Variants in MGAT5B observed in about 807,000 individuals in gnomAD.
MGAT5B encodes the protein N-acetylglucosaminyl-transferase Vb.
A neutral mutation model predicts 95.1 loss-of-function variants in MGAT5B; 54 were observed. That is an observed-to-expected ratio of 0.57 (90% CI 0.46 to 0.71). MGAT5B has a LOEUF of 0.71. Ranked by LOEUF, MGAT5B falls within the 30% of genes least tolerant of loss-of-function variation. The probability of loss-of-function intolerance (pLI) is 0.00; values close to 1 mark genes in which losing one functional copy is unlikely to be tolerated. For missense variants in MGAT5B, 935 were observed against 1,088.6 expected, an observed-to-expected ratio of 0.86 and a Z score of 1.99; for synonymous variants, 464 against 451.0, an observed-to-expected ratio of 1.03 and a Z score of -0.36.
chr17:76,890,391 T>A (rs111713849), intron 3 of MGAT5B, among the ~76,000 whole-genome samples: 1,529 of 152,362 alleles, frequency 0.01, 28 homozygotes, highest in African/African-American at 0.035. Context: ...ACTAGGTATG[T>A]GTGCTAGGTA....
At chr17:76,932,086 C>CCTCT (rs1969504834) in intron 10 of MGAT5B, among the ~76,000 whole-genome samples, 1 of 14,798 alleles carries the variant, frequency 6.8e-5, no homozygotes, top group Admixed American at 8.3e-4. Context: ...TCCTCCTCCT[C>CCTCT]CCCCCCCCCT....
intron 3 of MGAT5B, among the ~76,000 whole-genome samples, chr17:76,892,687 T>C (rs776892132): frequency 2.0e-5 from 3 of 152,240 alleles, no homozygotes; most frequent in Non-Finnish European, 2.9e-5. Flanking sequence ...GAGACCCGCA[T>C]GGAGCACTGG....
In MGAT5B at chr17:76,906,232, G is replaced by A; in HGVS notation, c.1025+45G>A. ...ACTGGCATTAAGTGGGGCAGGGAGG[G>A]GATGAAGGGGAACCCCACCCCTCCC... On this transcript the variant is annotated intron_variant, in intron 8 of 17. Coordinates refer to ENST00000569840, the MANE Select transcript of MGAT5B (RefSeq NM_001199172.2). The surrounding 1 kb of genome is among the most constrained non-coding windows in gnomAD (Gnocchi z 4.6). 6.5e-7 allele frequency: 1 copy of A among 1,544,962 alleles called. No homozygotes were observed. The highest frequency in any genetic ancestry group is 8.7e-7 in the Non-Finnish European group (1 of 1,153,386).
chr17:76,935,891 T>C (rs950012513), intron 12 of MGAT5B, among the ~76,000 whole-genome samples: 3 of 51,132 alleles, frequency 5.9e-5, no homozygotes, highest in African/African-American at 2.2e-4. Flanking sequence ...ATATATTATA[T>C]AATTATATAT....
Position 76,918,916 on chromosome 17 carries a change from T to A in MGAT5B, c.1026-6050T>A, listed in dbSNP as rs1969034798. On this transcript the variant is annotated intron_variant, in intron 8 of 17. Transcript: ENST00000569840. This position sits in a 1 kb window ranked among gnomAD's most constrained non-coding sequence, Gnocchi z 5.1. ...AGAGAAAGAGAGAGAGAATAGTGTG[T>A]TCCACAATTTGAGCACTACCTGGAG... 6.6e-6 allele frequency among the ~76,000 whole-genome samples: 1 copy of A among 152,326 alleles called. No homozygotes were observed. Among genetic ancestry groups the A allele is most frequent in the South Asian group, 2.1e-4 (1 of 4,830 alleles).
intron 15 of MGAT5B, among the ~76,000 whole-genome samples, chr17:76,944,966 G>C (rs1239774378): frequency 6.6e-6 from 1 of 152,234 alleles, no homozygotes; most frequent in Non-Finnish European, 1.5e-5. Context: ...GATGGGCTGG[G>C]CCAGGTCAGG....
intron 1 of MGAT5B, 182 bp from the exon 2 acceptor site, chr17:76,872,669 C>T (rs1838721867): frequency 2.0e-6 from 3 of 1,508,142 alleles, no homozygotes; most frequent in Non-Finnish European, 2.7e-6. Context: ...TAGTTGAGCT[C>T]TCTTTATCCT....
rs1457350659 is a variant in MGAT5B at position 76,905,902 on chromosome 17, G to A, written c.856-116G>A. On this transcript the variant is annotated intron_variant, in intron 7 of 17. Coordinates refer to ENST00000569840, the MANE Select transcript of MGAT5B (RefSeq NM_001199172.2). The surrounding 1 kb of genome is among the most constrained non-coding windows in gnomAD (Gnocchi z 4.2). The stretch of plus-strand genomic sequence containing the variant: ...CTCTGGTGCCGGAAAGCACCTGCTG[G>A]GGCCCAGCCTGGAGACAGGGTCTGC... 8.4e-7 allele frequency: 1 copy of A among 1,185,802 alleles called. No individual in the cohort carries two copies. The highest frequency in any genetic ancestry group is 1.2e-6 in the Non-Finnish European group (1 of 862,132). 73.5% of individuals were successfully genotyped at this position (1,185,802 alleles called of 1,614,324 possible). A position where few individuals can be genotyped will look rare whatever the true frequency, so the allele number is the denominator to read the frequency against.
rs75894252 is a variant in MGAT5B at position 76,915,703 on chromosome 17, C to T, written c.1026-9263C>T. Reference sequence around the variant, plus strand: ...TCTTGGCACCTAGACTTGTGAATGGCAGCTCTCCTGCATCACCCTCCCCGT... The same window carrying T: ...TCTTGGCACCTAGACTTGTGAATGGTAGCTCTCCTGCATCACCCTCCCCGT... On this transcript the variant is annotated intron_variant, in intron 8 of 17. Coordinates refer to ENST00000569840, the MANE Select transcript of MGAT5B (RefSeq NM_001199172.2). This position sits in a 1 kb window ranked among gnomAD's most constrained non-coding sequence, Gnocchi z 8.7. Among the ~76,000 whole-genome samples, 753 of 152,342 alleles carry T rather than the reference C, an allele frequency of 4.9e-3. 49 individuals carry two copies. In the East Asian group the frequency reaches 0.12, roughly 25 times the overall value.
chr17:76,933,424 G>A (rs1406028913), intron 12 of MGAT5B, 127 bp downstream of exon 12: 17 of 1,241,228 alleles, frequency 1.4e-5, no homozygotes, highest in Non-Finnish European at 1.7e-5. Flanking sequence ...TGGCTCCTGT[G>A]GATGGACCAA....
At chr17:76,932,564 T>G in intron 10 of MGAT5B, 81 bp from the exon 11 acceptor site, 27 of 1,524,030 alleles carry the variant, frequency 1.8e-5, no homozygotes, top group Middle Eastern at 1.8e-4. Flanking sequence ...AGAGGACCTC[T>G]TGGGCGGGGC....
chr17:76,922,887 G>C (rs1462755574), intron 8 of MGAT5B, among the ~76,000 whole-genome samples: 1 of 152,208 alleles, frequency 6.6e-6, no homozygotes, highest in African/African-American at 2.4e-5. Context: ...TGACATGGCG[G>C]GGAAGCCAGT....
At chr17:76,924,653 T>C (rs1445069014) in intron 8 of MGAT5B, among the ~76,000 whole-genome samples, 1 of 152,204 alleles carries the variant, frequency 6.6e-6, no homozygotes, top group Non-Finnish European at 1.5e-5. Context: ...AAAGGCTCCC[T>C]CTCTGGGTAG....
intron 3 of MGAT5B, among the ~76,000 whole-genome samples, chr17:76,887,441 CCCTCCCTTCCTT>C (rs1967678883): frequency 1.6e-5 from 2 of 126,660 alleles, no homozygotes; most frequent in African/African-American, 5.9e-5. Context: ...TTCCCTCCCT[CCCTCCCTTCCTT>C]CCTCCCTCCC....
intron 8 of MGAT5B, among the ~76,000 whole-genome samples, chr17:76,921,389 C>G (rs1313482621): frequency 6.6e-6 from 1 of 152,202 alleles, no homozygotes; most frequent in African/African-American, 2.4e-5. Flanking sequence ...CTGGTTTAGT[C>G]AAGACTTTGA....
At chr17:76,921,309 C>T (rs1037297914) in intron 8 of MGAT5B, among the ~76,000 whole-genome samples, 12 of 152,180 alleles carry the variant, frequency 7.9e-5, no homozygotes, top group Non-Finnish European at 1.2e-4. Context: ...ATCTTAGTCG[C>T]ACACTGGTGA....
At chr17:76,913,741 A>G (rs1447579907) in intron 8 of MGAT5B, 1 of 500,330 alleles carries the variant, frequency 2.0e-6, no homozygotes, top group South Asian at 1.5e-5. Context: ...AGATGCTTCT[A>G]GAAGGAGATG....
intron 10 of MGAT5B, among the ~76,000 whole-genome samples, chr17:76,929,645 A>G (rs2145249858): frequency 6.6e-6 from 1 of 152,290 alleles, no homozygotes; most frequent in South Asian, 2.1e-4. Context: ...AATCGAAGAA[A>G]GTGGGGACAA....
intron 8 of MGAT5B, among the ~76,000 whole-genome samples, chr17:76,924,590 G>A (rs963663551): frequency 1.3e-5 from 2 of 152,212 alleles, no homozygotes; most frequent in East Asian, 1.9e-4. Context: ...AGACAAACAC[G>A]TAGCTGCGCT....
Sources: gnomAD v4.1 joint callset for allele counts (sites outside exome capture counted in the v4.1 genomes callset) on GRCh38, gnomAD v4.1.1 for gene constraint, Gnocchi (gnomAD v3.1) non-coding constraint, MANE v1.5 for transcripts, NCBI Gene and HGNC (gene_info 2026-07-23, HGNC 2026-07-21) for gene names.